PTPN13: variants seen among roughly 807,000 people sequenced by gnomAD.
The protein encoded by PTPN13 is tyrosine-protein phosphatase non-receptor type 13.
Under a neutral mutation model 284.0 loss-of-function variants are expected in PTPN13, and 191 were observed. That is an observed-to-expected ratio of 0.67 (90% confidence interval 0.60 to 0.76). The LOEUF (loss-of-function observed/expected upper bound fraction) is 0.76, where lower values mean the gene tolerates loss of function less well. Ranked by LOEUF, PTPN13 falls within the 30% of genes least tolerant of loss-of-function variation. The pLI, the probability that PTPN13 is intolerant of heterozygous loss-of-function variation, is 0.00. For missense variants in PTPN13, 2,797 were observed against 2,939.9 expected (o/e 0.95, Z 1.12); for synonymous variants, 986 against 1,022.3 (o/e 0.96, Z 0.68).
chr4:86,606,903 G>A (rs1418301831), intron 1 of PTPN13, among the ~76,000 whole-genome samples: 1 of 151,762 alleles, frequency 6.6e-6, no homozygotes, highest in African/African-American at 2.4e-5. Context: ...CCATAATGGT[G>A]GCCAGTACAT....
intron 3 of PTPN13, among the ~76,000 whole-genome samples, chr4:86,682,777 C>T (rs989682952): frequency 1.3e-5 from 2 of 152,176 alleles, no homozygotes; most frequent in Non-Finnish European, 2.9e-5. Flanking sequence ...GCTGCACCAA[C>T]AGTACAAACG....
intron 35 of PTPN13, among the ~76,000 whole-genome samples, chr4:86,776,948 G>C (rs1040002141): frequency 6.6e-6 from 1 of 152,164 alleles, no homozygotes; most frequent in Admixed American, 6.5e-5. Flanking sequence ...CTCATTCCCA[G>C]AGCTGGGATA....
rs532491788 is a variant in PTPN13, at chr4:86,605,968, A to G, written c.-6+11179A>G. Among the ~76,000 whole-genome samples the G allele has an allele frequency of 5.9e-5, 9 of 152,026 alleles. 1 individual carries two copies. The South Asian group carries it at 1.9e-3, about 31-fold the overall frequency. Reference sequence around the variant, plus strand: ...CAGTCCACATTTGCAGAAAACGAAGAGTAAAGTGAAAGAAATTATTACAGT... The same window carrying G: ...CAGTCCACATTTGCAGAAAACGAAGGGTAAAGTGAAAGAAATTATTACAGT... On this transcript the variant is annotated intron_variant, in intron 1 of 47. Transcript: ENST00000411767.
chr4:86,764,302 C>T (rs1578609676), intron 24 of PTPN13, among the ~76,000 whole-genome samples: 2 of 152,158 alleles, frequency 1.3e-5, no homozygotes, highest in East Asian at 3.9e-4. Flanking sequence ...CTGAAGCAAG[C>T]TCTTTAATCT....
intron 24 of PTPN13, 27 bp from the exon 25 acceptor site, chr4:86,764,566 A>C: frequency 1.4e-6 from 2 of 1,382,560 alleles, no homozygotes; most frequent in Non-Finnish European, 1.9e-6. Flanking sequence ...TCTAACAAGA[A>C]ATCTTTGTTT....
At chr4:86,661,227 T>C in intron 2 of PTPN13, 1 of 326,004 alleles carries the variant, frequency 3.1e-6, no homozygotes, top group South Asian at 2.4e-5. Context: ...ATCATAAAAA[T>C]AGAATCATAC....
In PTPN13 at chr4:86,771,386, G is replaced by C. The variant is rs767090024; in HGVS notation, c.5019G>C (p.Ser1673=). Residue 1673 remains serine, a synonymous_variant, in exon 31 of 48, where the codon TCG becomes TCC. Coordinates refer to ENST00000411767, the MANE Select transcript of PTPN13 (RefSeq NM_080683.3). The stretch of plus-strand genomic sequence containing the variant: ...CAGCTCCAGCAAACATATCAAATTC[G>C]ACCTGGAGTTCAGCTTTGCATCAGA... The part of the protein sequence containing the change: ...LVTAPANISN[S]TWSSALHQTL... The C allele has an allele frequency of 6.4e-7, 1 of 1,570,640 alleles. No homozygotes were observed. The highest frequency in any genetic ancestry group is 8.6e-7 in the Non-Finnish European group (1 of 1,157,132).
At chr4:86,749,870 A>G (rs1049303940) in intron 17 of PTPN13, among the ~76,000 whole-genome samples, 4 of 152,236 alleles carry the variant, frequency 2.6e-5, no homozygotes, top group African/African-American at 4.8e-5. Context: ...AACAAAAGGA[A>G]TAATTTGCCA....
At chr4:86,613,594 A>T (rs1305278803) in intron 1 of PTPN13, among the ~76,000 whole-genome samples, 1 of 146,868 alleles carries the variant, frequency 6.8e-6, no homozygotes, top group Non-Finnish European at 1.5e-5. Flanking sequence ...AGATTGTGCC[A>T]CTGCACTCCA....
At chr4:86,758,543 C>T in intron 21 of PTPN13, 135 bp from the exon 22 acceptor site, 3 of 948,686 alleles carry the variant, frequency 3.2e-6, no homozygotes, top group Non-Finnish European at 4.7e-6. Flanking sequence ...AGAAATACTT[C>T]CACAAAATTT....
chr4:86,674,072 G>A (rs1728011339), intron 3 of PTPN13, among the ~76,000 whole-genome samples: 1 of 152,180 alleles, frequency 6.6e-6, no homozygotes, highest in South Asian at 2.1e-4. Context: ...ATGGCATAAT[G>A]AAGAAGTGAA....
At chr4:86,685,473 G>GT (rs1729348945) in intron 3 of PTPN13, among the ~76,000 whole-genome samples, 1 of 152,140 alleles carries the variant, frequency 6.6e-6, no homozygotes, top group Admixed American at 6.5e-5. Flanking sequence ...GCCAGGAGTG[G>GT]TTTTACATGC....
intron 10 of PTPN13, among the ~76,000 whole-genome samples, chr4:86,730,307 C>T (rs866181095): frequency 2.0e-5 from 3 of 149,740 alleles, no homozygotes; most frequent in East Asian, 1.9e-4. Context: ...AGAGCTCAAA[C>T]GCCATGCTGG....
chr4:86,814,602 A>G lies in PTPN13; in HGVS notation c.*51A>G. ...TCCATTTCTCTCCTTAACCTCCAGCAGACTCCTGCTCTCTATCCAAAATAA... is the reference window on the plus strand; with the variant it reads ...TCCATTTCTCTCCTTAACCTCCAGCGGACTCCTGCTCTCTATCCAAAATAA... On this transcript the variant is annotated 3_prime_UTR_variant, in exon 48 of 48. Coordinates refer to ENST00000411767, the MANE Select transcript of PTPN13 (RefSeq NM_080683.3). The G allele has an allele frequency of 7.0e-7, 1 of 1,422,916 alleles. No homozygotes were observed. The highest frequency in any genetic ancestry group is 9.9e-7 in the Non-Finnish European group (1 of 1,010,254). The allele number at this position is 1,422,916 out of a possible 1,614,324, so 88.1% of individuals were successfully genotyped here.
intron 23 of PTPN13, among the ~76,000 whole-genome samples, chr4:86,761,171 A>ATATATATATATATATATAT (rs1166814661): frequency 2.3e-5 from 2 of 85,954 alleles, no homozygotes; most frequent in African/African-American, 8.2e-5. Flanking sequence ...TATATATATA[A>ATATATATATATATATATAT]ACACAACACA....
chr4:86,651,046 G>A (rs28535527), intron 2 of PTPN13, among the ~76,000 whole-genome samples: 26,909 of 152,098 alleles, frequency 0.18, 2,584 homozygotes, highest in East Asian at 0.29. Flanking sequence ...AATACTAGCT[G>A]TGAGTTTGTC....
chr4:86,744,143 G>C (rs1200700504), intron 16 of PTPN13, among the ~76,000 whole-genome samples: 11 of 152,088 alleles, frequency 7.2e-5, no homozygotes. Context: ...AAATATCAAT[G>C]TGTTTTATCT....
intron 9 of PTPN13, among the ~76,000 whole-genome samples, chr4:86,718,192 A>G (rs1238534801): frequency 6.6e-6 from 1 of 152,188 alleles, no homozygotes; most frequent in East Asian, 1.9e-4. Flanking sequence ...GTTGCTTGAG[A>G]ATTTACTTCT....
chr4:86,607,418 T>C (rs1644680169), intron 1 of PTPN13, among the ~76,000 whole-genome samples: 1 of 152,014 alleles, frequency 6.6e-6, no homozygotes, highest in Admixed American at 6.6e-5. Context: ...TGAATATTAT[T>C]GTGTGCTAGG....
Sources: allele counts gnomAD v4.1 joint callset (sites outside exome capture counted in the v4.1 genomes callset), GRCh38; gene constraint gnomAD v4.1.1; transcripts MANE v1.5; gene names NCBI Gene and HGNC (gene_info 2026-07-23, HGNC 2026-07-21).